Variants in IGSF21 observed in about 807,000 individuals in gnomAD.
The protein encoded by IGSF21 is immunoglobulin superfamily member 21.
IGSF21 carries 28 observed loss-of-function variants against 46.8 expected under a neutral mutation model. The ratio of observed to expected loss-of-function variants is 0.60; its 90% CI spans 0.44 to 0.82. IGSF21 has a LOEUF of 0.82. IGSF21 is among the 40% of genes least tolerant of loss of function. The probability of loss-of-function intolerance (pLI) is 0.00; values close to 1 mark genes in which losing one functional copy is unlikely to be tolerated. For missense variants in IGSF21, 624 were observed against 665.5 expected, an observed-to-expected ratio of 0.94 and a Z score of 0.69; for synonymous variants, 284 against 273.6, an observed-to-expected ratio of 1.04 and a Z score of -0.38.
intron 4 of IGSF21, among the ~76,000 whole-genome samples, chr1:18,341,137 T>G (rs1204654100): frequency 6.6e-6 from 1 of 150,626 alleles, no homozygotes; most frequent in Non-Finnish European, 1.5e-5. Flanking sequence ...TCTCTTTTTT[T>G]TTTTTGTGTG....
chr1:18,241,251 A>G (rs773719305), intron 2 of IGSF21, among the ~76,000 whole-genome samples: 21 of 152,136 alleles, frequency 1.4e-4, no homozygotes, highest in Non-Finnish European at 2.8e-4. Context: ...ATGCCTTTCC[A>G]TGGTTCTTAG....
intron 6 of IGSF21, among the ~76,000 whole-genome samples, chr1:18,373,571 C>T (rs1372392754): frequency 6.6e-6 from 1 of 152,132 alleles, no homozygotes; most frequent in African/African-American, 2.4e-5. Context: ...TTGAAAGCAG[C>T]GAGGGAGGAC....
chr1:18,332,646 T>C (rs552071738), intron 3 of IGSF21, among the ~76,000 whole-genome samples: 7 of 152,310 alleles, frequency 4.6e-5, no homozygotes, highest in South Asian at 4.1e-4. Context: ...GCTGTTCCCA[T>C]GTCACTGCGC....
chr1:18,272,764 C>A (rs2085055164), intron 2 of IGSF21, among the ~76,000 whole-genome samples: 1 of 152,242 alleles, frequency 6.6e-6, no homozygotes, highest in African/African-American at 2.4e-5. Flanking sequence ...GTCTTGCCCA[C>A]TGGACAAAAG....
intron 4 of IGSF21, among the ~76,000 whole-genome samples, chr1:18,358,774 G>A (rs1413861807): frequency 2.6e-5 from 4 of 152,198 alleles, no homozygotes; most frequent in African/African-American, 7.2e-5. Context: ...GCTCAGAGAG[G>A]TTAAGTAACT....
At chr1:18,245,356 T>A (rs1354745714) in intron 2 of IGSF21, among the ~76,000 whole-genome samples, 1 of 152,252 alleles carries the variant, frequency 6.6e-6, no homozygotes, top group Non-Finnish European at 1.5e-5. Flanking sequence ...ATGTTTTTCC[T>A]AATATTGAGC....
At chr1:18,326,587 G>C (rs1203350869) in intron 3 of IGSF21, among the ~76,000 whole-genome samples, 1 of 152,214 alleles carries the variant, frequency 6.6e-6, no homozygotes, top group Non-Finnish European at 1.5e-5. Context: ...ATGAGATACT[G>C]TGTATATAAA....
intron 3 of IGSF21, among the ~76,000 whole-genome samples, chr1:18,311,779 A>G (rs534864392): frequency 7.1e-4 from 108 of 152,338 alleles, no homozygotes; most frequent in African/African-American, 2.4e-3. Context: ...TTCCCTTTAT[A>G]AAACCATCGG....
At chr1:18,259,284 C>T (rs1436289456) in intron 2 of IGSF21, among the ~76,000 whole-genome samples, 1 of 152,148 alleles carries the variant, frequency 6.6e-6, no homozygotes, top group Non-Finnish European at 1.5e-5. Flanking sequence ...CTCTAAGTCT[C>T]AATTTCTTCA....
At chr1:18,266,021 C>A (rs2084986476) in intron 2 of IGSF21, among the ~76,000 whole-genome samples, 1 of 152,136 alleles carries the variant, frequency 6.6e-6, no homozygotes, top group Admixed American at 6.6e-5. Flanking sequence ...GCAAGGGGTT[C>A]TTTGCTATCA....
At chr1:18,341,066 T>TCTTCC (rs2085833574) in intron 4 of IGSF21, among the ~76,000 whole-genome samples, 1 of 62,912 alleles carries the variant, frequency 1.6e-5, no homozygotes, top group Non-Finnish European at 3.8e-5. Flanking sequence ...CCTCTTCTTC[T>TCTTCC]TCTTCTTCTT....
chr1:18,275,469 G>T (rs1050517739), intron 2 of IGSF21, among the ~76,000 whole-genome samples: 2 of 152,184 alleles, frequency 1.3e-5, no homozygotes, highest in East Asian at 3.9e-4. Context: ...CCCACCGGGA[G>T]TGTCTTGGTG....
intron 2 of IGSF21, among the ~76,000 whole-genome samples, chr1:18,261,863 G>C (rs115948150): frequency 1.3e-5 from 2 of 152,228 alleles, no homozygotes. Context: ...TGGAGGTGAC[G>C]TCGGGAAGTA....
At chr1:18,268,030 G>C (rs957855925) in intron 2 of IGSF21, among the ~76,000 whole-genome samples, 1 of 152,206 alleles carries the variant, frequency 6.6e-6, no homozygotes, top group Non-Finnish European at 1.5e-5. Flanking sequence ...ATCTTCGTCT[G>C]TTTTATTTGC....
At chr1:18,283,290 T>C (rs2085180387) in intron 2 of IGSF21, among the ~76,000 whole-genome samples, 1 of 152,236 alleles carries the variant, frequency 6.6e-6, no homozygotes, top group Non-Finnish European at 1.5e-5. Flanking sequence ...AGCCCAGCCC[T>C]GCCAGAAACC....
chr1:18,149,318 C>A (rs1034120961), intron 1 of IGSF21, among the ~76,000 whole-genome samples: 1 of 152,092 alleles, frequency 6.6e-6, no homozygotes, highest in South Asian at 2.1e-4. Context: ...GGACAGTCTC[C>A]GAGGCTTCGG....
In IGSF21 at chr1:18,334,509, C is replaced by T. The variant is rs561256542; in HGVS notation, c.306-383C>T. Among the ~76,000 whole-genome samples the T allele has an allele frequency of 1.3e-5, 2 of 152,286 alleles. No homozygotes were observed. The highest frequency in any genetic ancestry group is 3.9e-4 in the East Asian group (2 of 5,180). On this transcript the variant is annotated intron_variant, in intron 3 of 9. Coordinates refer to ENST00000251296, the MANE Select transcript of IGSF21 (RefSeq NM_032880.5). The surrounding 1 kb of genome is among the most constrained non-coding windows in gnomAD (Gnocchi z 4.3). Reference sequence around the variant, plus strand: ...TGAGGAAAGAGGGAGCCGATGCCTCCAGTGACAGTTTTGGTCCCATACTGC... The same window carrying T: ...TGAGGAAAGAGGGAGCCGATGCCTCTAGTGACAGTTTTGGTCCCATACTGC...
At chr1:18,237,481 G>T (rs1481566330) in intron 2 of IGSF21, among the ~76,000 whole-genome samples, 1 of 152,164 alleles carries the variant, frequency 6.6e-6, no homozygotes, top group Non-Finnish European at 1.5e-5. Context: ...CAAAACAGAC[G>T]AAAAGCCCCA....
Position 18,268,978 on chromosome 1 carries a change from C to T in IGSF21, c.184-22888C>T, listed in dbSNP as rs1488937432. On this transcript the variant is annotated intron_variant, in intron 2 of 9. Coordinates refer to ENST00000251296, the MANE Select transcript of IGSF21 (RefSeq NM_032880.5). Reference sequence around the variant, plus strand: ...TGTATAGTAAATCCTGTGCCTGTAACAATTCAGGGCAATCTCTTTCCTGAG... The same window carrying T: ...TGTATAGTAAATCCTGTGCCTGTAATAATTCAGGGCAATCTCTTTCCTGAG... 2.6e-5 allele frequency among the ~76,000 whole-genome samples: 4 copies of T among 152,220 alleles called. 1 individual carries two copies. The highest frequency in any genetic ancestry group is 9.6e-5 in the African/African-American group (4 of 41,460).
Sources: gnomAD v4.1 joint callset for allele counts (sites outside exome capture counted in the v4.1 genomes callset) on GRCh38, gnomAD v4.1.1 for gene constraint, Gnocchi (gnomAD v3.1) non-coding constraint, MANE v1.5 for transcripts, NCBI Gene and HGNC (gene_info 2026-07-23, HGNC 2026-07-21) for gene names.